Variants in BASP1 observed in about 807,000 individuals in gnomAD.
BASP1 encodes the protein brain abundant membrane attached signal protein 1.
Under a neutral mutation model 2.2 loss-of-function variants are expected in BASP1, and 1 was observed. That is an observed-to-expected ratio of 0.46 (90% CI 0.16 to 2.17). BASP1 has a LOEUF of 2.17. Among genes scored for constraint, BASP1 ranks in the 30% most tolerant of loss-of-function variants. BASP1 has a pLI of 0.27. For synonymous variants in BASP1, 187 were observed against 154.2 expected (o/e 1.21, Z -1.58); for missense variants, 352 against 327.2 (o/e 1.08, Z -0.58).
At chr5:17,246,448 A>T (rs748966208) in intron 1 of BASP1, among the ~76,000 whole-genome samples, 8 of 152,142 alleles carry the variant, frequency 5.3e-5, no homozygotes, top group Non-Finnish European at 7.4e-5. Context: ...AGATGGCACC[A>T]TTGCACTCCA....
rs552297061 is a variant in BASP1 at position 17,231,408 on chromosome 5, A to G, written c.-10+13598A>G. On this transcript the variant is annotated intron_variant, in intron 1 of 1. Transcript: ENST00000322611. Reference sequence around the variant, plus strand: ...TGGATCACTGCCCTAATACTCTCCTAAATCCAAGCATGACATTCCTCTGCT... The same window carrying G: ...TGGATCACTGCCCTAATACTCTCCTGAATCCAAGCATGACATTCCTCTGCT... Among the ~76,000 whole-genome samples the G allele has an allele frequency of 2.6e-5, 4 of 152,096 alleles. No homozygotes were observed. The South Asian group carries it at 8.3e-4, about 32-fold the overall frequency.
chr5:17,238,516 C>T (rs900562054), intron 1 of BASP1, among the ~76,000 whole-genome samples: 1 of 152,140 alleles, frequency 6.6e-6, no homozygotes, highest in African/African-American at 2.4e-5. Context: ...GCATTTGATG[C>T]AAGTGCTCTG....
rs1740610047 is a variant in BASP1 at position 17,275,273 on chromosome 5, C to T, written c.57C>T (p.Ala19=). The change falls in exon 2 of 2, where the codon GCC becomes GCT. Residue 19 remains alanine (A), a synonymous_variant. Transcript: ENST00000322611. This position sits in a 1 kb window ranked among gnomAD's most constrained non-coding sequence, Gnocchi z 5.3. ...KKGYNVNDEK[A]KEKDKKAEGA... ...GCTACAATGTGAACGACGAGAAAGC[C>T]AAGGAGAAAGACAAGAAGGCCGAGG... 3.1e-6 allele frequency: 5 copies of T among 1,613,846 alleles called. No homozygotes were observed. In the South Asian group the frequency reaches 5.5e-5, roughly 18 times the overall value.
chr5:17,220,298 TTGAGTAGG>T (rs1194614377), intron 1 of BASP1, among the ~76,000 whole-genome samples: 1 of 152,170 alleles, frequency 6.6e-6, no homozygotes, highest in African/African-American at 2.4e-5. Flanking sequence ...CTCCTTAGTA[TTGAGTAGG>T]TTATTATGAT....
chr5:17,248,879 C>A (rs1380382354), intron 1 of BASP1, among the ~76,000 whole-genome samples: 2 of 152,104 alleles, frequency 1.3e-5, no homozygotes, highest in Non-Finnish European at 2.9e-5. Flanking sequence ...TTTCCTTCTT[C>A]CCTTTGTACC....
At chr5:17,229,887 A>C (rs575536515) in intron 1 of BASP1, among the ~76,000 whole-genome samples, 1 of 150,720 alleles carries the variant, frequency 6.6e-6, no homozygotes, top group Admixed American at 6.6e-5. Flanking sequence ...GGGTTCAAGC[A>C]GTTCTCTGCC....
chr5:17,245,300 T>C, intron 1 of BASP1, among the ~76,000 whole-genome samples: 1 of 111,148 alleles, frequency 9.0e-6, no homozygotes, highest in African/African-American at 3.2e-5. Flanking sequence ...AAAGTGAGAC[T>C]CCGTCTCAAA....
At chr5:17,267,896 C>CATT (rs1740448850) in intron 1 of BASP1, among the ~76,000 whole-genome samples, 1 of 136,792 alleles carries the variant, frequency 7.3e-6, no homozygotes, top group African/African-American at 2.7e-5. Context: ...GTTGAAATGA[C>CATT]GTATGAAGAC....
At chr5:17,240,436 T>G (rs1160050877) in intron 1 of BASP1, among the ~76,000 whole-genome samples, 1 of 152,196 alleles carries the variant, frequency 6.6e-6, no homozygotes, top group Non-Finnish European at 1.5e-5. Flanking sequence ...CTCAGGAGGC[T>G]GAGGCAGGAG....
chr5:17,243,271 C>T (rs943200995), intron 1 of BASP1, among the ~76,000 whole-genome samples: 3 of 152,042 alleles, frequency 2.0e-5, no homozygotes, highest in African/African-American at 4.8e-5. Context: ...GCCTTAACCC[C>T]CCGAGTAGCT....
chr5:17,249,737 T>A (rs529827393), intron 1 of BASP1, among the ~76,000 whole-genome samples: 1 of 152,318 alleles, frequency 6.6e-6, no homozygotes, highest in South Asian at 2.1e-4. Flanking sequence ...CTGTCTGTAG[T>A]AACGTTTATC....
chr5:17,259,158 A>G (rs1740266752), intron 1 of BASP1, among the ~76,000 whole-genome samples: 1 of 152,242 alleles, frequency 6.6e-6, no homozygotes, highest in South Asian at 2.1e-4. Context: ...GTGAAAGGCA[A>G]GGATGAGCAA....
chr5:17,259,803 C>A (rs1255012343), intron 1 of BASP1, among the ~76,000 whole-genome samples: 1 of 152,176 alleles, frequency 6.6e-6, no homozygotes, highest in Non-Finnish European at 1.5e-5. Context: ...ATTGATCGAG[C>A]CTGTCATGGC....
chr5:17,229,707 G>A (rs552745721), intron 1 of BASP1, among the ~76,000 whole-genome samples: 1 of 151,958 alleles, frequency 6.6e-6, no homozygotes, highest in African/African-American at 2.4e-5. Context: ...AATAACAGAT[G>A]GGATAACTTA....
At position 17,239,773 on chromosome 5, in the gene BASP1, T is replaced by G. The variant is rs1441848587; in HGVS notation, c.-10+21963T>G. Among the ~76,000 whole-genome samples, 3 of 152,210 alleles carry G rather than the reference T, an allele frequency of 2.0e-5. No homozygotes were observed. The East Asian group carries it at 5.8e-4, about 29-fold the overall frequency. ...GCTTAAATTAGTGAAGTAGAACTCT[T>G]TTAGTCCAGATTACCCCCAAAATCT... is the stretch of plus-strand genomic sequence containing the variant. On this transcript the variant is annotated intron_variant, in intron 1 of 1. Transcript: ENST00000322611.
intron 1 of BASP1, among the ~76,000 whole-genome samples, chr5:17,264,321 G>A (rs1337211356): frequency 4.6e-5 from 7 of 151,916 alleles, no homozygotes; most frequent in Admixed American, 3.9e-4. Flanking sequence ...TTTGCTTCAG[G>A]TAGGTTTGAC....
chr5:17,261,622 C>A lies in BASP1; in HGVS notation c.-9-13586C>A, dbSNP rs150108180. On this transcript the variant is annotated intron_variant, in intron 1 of 1. Transcript: ENST00000322611. The stretch of plus-strand genomic sequence containing the variant: ...TTATCTCATTGGCTTCTCTCCCCCC[C>A]ACCGTCTGCATAACAAAGTGTTCCA... 2.7e-3 allele frequency among the ~76,000 whole-genome samples: 418 copies of A among 152,288 alleles called. 2 individuals carry two copies. The highest frequency in any genetic ancestry group is 8.2e-3 in the African/African-American group (342 of 41,542).
chr5:17,235,506 C>T (rs538925288), intron 1 of BASP1, among the ~76,000 whole-genome samples: 5 of 152,198 alleles, frequency 3.3e-5, no homozygotes, highest in African/African-American at 9.6e-5. Flanking sequence ...TCATGATCAG[C>T]CCACCTCGGC....
At position 17,275,572 on chromosome 5, in the gene BASP1, C is replaced by T. The variant is rs1175637559; in HGVS notation, c.356C>T (p.Ala119Val). ...CCCGGCCCCGCTGCGGGCGGCGAGGCCCCCAAAGCTGCTGAGGCCGCCGCG... is the reference window on the plus strand; with the variant it reads ...CCCGGCCCCGCTGCGGGCGGCGAGGTCCCCAAAGCTGCTGAGGCCGCCGCG... ...AAPGPAAGGEAPKAAEAAAAP... is the reference protein window; with the variant it reads ...AAPGPAAGGEVPKAAEAAAAP... The change falls in exon 2 of 2, where the codon GCC becomes GTC. Residue 119 changes from alanine to valine, a missense_variant. By Grantham distance (64) the Ala-to-Val change is moderately conservative (BLOSUM62 0). Coordinates refer to ENST00000322611, the MANE Select transcript of BASP1 (RefSeq NM_006317.5). This position sits in a 1 kb window ranked among gnomAD's most constrained non-coding sequence, Gnocchi z 5.3. 2.3e-4 allele frequency: 322 copies of T among 1,386,312 alleles called. No individual in the cohort carries two copies. The highest frequency in any genetic ancestry group is 2.9e-4 in the Non-Finnish European group (313 of 1,074,216). The allele number at this position is 1,386,312 out of a possible 1,614,324, so 85.9% of individuals were successfully genotyped here.
Sources: gnomAD v4.1 joint callset for allele counts (sites outside exome capture counted in the v4.1 genomes callset) on GRCh38, gnomAD v4.1.1 for gene constraint, Gnocchi (gnomAD v3.1) non-coding constraint, MANE v1.5 for transcripts, NCBI Gene and HGNC (gene_info 2026-07-23, HGNC 2026-07-21) for gene names.